The following RBMS3 variants were observed in gnomAD, a reference collection of about 807,000 sequenced individuals.
RBMS3 encodes the protein RNA-binding motif, single-stranded-interacting protein 3.
In RBMS3, 27 loss-of-function variants were observed where a neutral mutation model predicts 66.8. That is an observed-to-expected ratio of 0.40 (90% CI 0.30 to 0.56). The LOEUF is 0.56. Ranked by LOEUF, RBMS3 falls within the 20% of genes least tolerant of loss-of-function variation. The pLI is 0.40. For synonymous variants in RBMS3, 188 were observed against 183.0 expected, an observed-to-expected ratio of 1.03 and a Z score of -0.22; for missense variants, 513 against 549.5, an observed-to-expected ratio of 0.93 and a Z score of 0.66.
intron 2 of RBMS3, among the ~76,000 whole-genome samples, chr3:29,471,355 T>C (rs1042236443): frequency 1.3e-5 from 2 of 152,206 alleles, no homozygotes; most frequent in Non-Finnish European, 2.9e-5. Context: ...TTTTCATTCA[T>C]TTAATGTTAA....
intron 11 of RBMS3, among the ~76,000 whole-genome samples, chr3:29,937,582 A>C (rs757804296): frequency 1.3e-5 from 2 of 151,998 alleles, no homozygotes; most frequent in Non-Finnish European, 2.9e-5. Flanking sequence ...CAAAGTGCCT[A>C]TCACTAAGAT....
At chr3:30,003,812 GTTACT>G (rs1435331605) in intron 14 of RBMS3, 39 bp from the exon 15 acceptor site, 1 of 1,355,212 alleles carries the variant, frequency 7.4e-7, no homozygotes, top group Non-Finnish European at 9.7e-7. Context: ...TGATTTCAAA[GTTACT>G]TTAATTTAAT....
At chr3:29,806,773 G>C (rs1196704747) in intron 6 of RBMS3, among the ~76,000 whole-genome samples, 1 of 151,920 alleles carries the variant, frequency 6.6e-6, no homozygotes, top group African/African-American at 2.4e-5. Flanking sequence ...GGTATGTCAT[G>C]AATTCTATTT....
chr3:29,383,188 A>C (rs1488102438), intron 1 of RBMS3, among the ~76,000 whole-genome samples: 1 of 152,242 alleles, frequency 6.6e-6, no homozygotes, highest in Non-Finnish European at 1.5e-5. Context: ...GATCTTTTCC[A>C]AGATAGCAAT....
chr3:29,708,681 C>T (rs1045691040), intron 4 of RBMS3, among the ~76,000 whole-genome samples: 3 of 152,096 alleles, frequency 2.0e-5, no homozygotes, highest in Admixed American at 6.5e-5. Context: ...GGCTTCAATT[C>T]GGTCGTCTCT....
chr3:29,446,321 TA>T (rs140310687), intron 2 of RBMS3, among the ~76,000 whole-genome samples: 27,214 of 152,126 alleles, frequency 0.18, 2,530 homozygotes, highest in Middle Eastern at 0.23. Context: ...TTCATATTTT[TA>T]TATAGCAGGA....
At chr3:29,798,675 TAAG>T (rs556234858) in intron 6 of RBMS3, among the ~76,000 whole-genome samples, 54 of 152,320 alleles carry the variant, frequency 3.5e-4, no homozygotes, top group Non-Finnish European at 7.2e-4. Context: ...GCAAAAATTT[TAAG>T]AAGGTTAAGT....
intron 10 of RBMS3, chr3:29,927,093 G>A (rs2060958656): frequency 6.6e-6 from 1 of 152,172 alleles, no homozygotes; most frequent in Non-Finnish European, 1.5e-5. Flanking sequence ...ACTTCCTTGG[G>A]TGGGGTGTGG....
intron 4 of RBMS3, among the ~76,000 whole-genome samples, chr3:29,676,872 A>T (rs1244672791): frequency 6.6e-6 from 1 of 152,150 alleles, no homozygotes; most frequent in African/African-American, 2.4e-5. Context: ...TTGCTGTATT[A>T]GTCCATTCTT....
chr3:29,704,437 A>G (rs1332790050), intron 4 of RBMS3, among the ~76,000 whole-genome samples: 7 of 152,206 alleles, frequency 4.6e-5, no homozygotes, highest in Non-Finnish European at 1.0e-4. Context: ...TTCCATTTAA[A>G]TGTCTAGTTA....
chr3:29,764,741 A>G (rs1472772344), intron 6 of RBMS3, among the ~76,000 whole-genome samples: 1 of 152,066 alleles, frequency 6.6e-6, no homozygotes, highest in Non-Finnish European at 1.5e-5. Flanking sequence ...ATACAATTTA[A>G]TGCTGAAGAC....
intron 10 of RBMS3, chr3:29,933,760 C>T (rs549524858): frequency 1.3e-5 from 2 of 152,094 alleles, no homozygotes; most frequent in Non-Finnish European, 2.9e-5. Flanking sequence ...TTGCTATTTA[C>T]AATTCCAATT....
intron 4 of RBMS3, among the ~76,000 whole-genome samples, chr3:29,715,329 G>A (rs1241846170): frequency 6.6e-6 from 1 of 152,082 alleles, no homozygotes; most frequent in African/African-American, 2.4e-5. Flanking sequence ...ATTCATGGCT[G>A]AGAAAAGTGA....
intron 6 of RBMS3, among the ~76,000 whole-genome samples, chr3:29,800,710 T>A (rs188974837): frequency 9.2e-5 from 14 of 152,240 alleles, no homozygotes; most frequent in Non-Finnish European, 1.3e-4. Flanking sequence ...AATAGTGCAC[T>A]TTTTTTGGAA....
chr3:29,393,322 T>G (rs1450707062), intron 1 of RBMS3, among the ~76,000 whole-genome samples: 1 of 152,152 alleles, frequency 6.6e-6, no homozygotes, highest in African/African-American at 2.4e-5. Flanking sequence ...CATAATGTAT[T>G]AAAGAAAAGG....
intron 1 of RBMS3, among the ~76,000 whole-genome samples, chr3:29,379,963 T>C (rs953529724): frequency 5.9e-5 from 9 of 152,220 alleles, no homozygotes; most frequent in Non-Finnish European, 1.0e-4. Context: ...TCTTAAAAAA[T>C]GGCCTTTCAA....
chr3:29,719,139 C>T (rs1417632324), intron 4 of RBMS3, among the ~76,000 whole-genome samples: 1 of 151,682 alleles, frequency 6.6e-6, no homozygotes, highest in Non-Finnish European at 1.5e-5. Flanking sequence ...CTAAGACTCT[C>T]CATTTCTAAT....
intron 4 of RBMS3, among the ~76,000 whole-genome samples, chr3:29,717,468 G>A (rs760173200): frequency 6.6e-6 from 1 of 151,894 alleles, no homozygotes; most frequent in Non-Finnish European, 1.5e-5. Context: ...ACCCCAACTA[G>A]TGCTAAAATA....
chr3:29,901,332 A>C (rs2060247901), intron 10 of RBMS3, among the ~76,000 whole-genome samples: 1 of 151,858 alleles, frequency 6.6e-6, no homozygotes, highest in South Asian at 2.1e-4. Flanking sequence ...CCTTCTAAAA[A>C]ATGTGTTCAT....
Sources: allele counts gnomAD v4.1 joint callset (sites outside exome capture counted in the v4.1 genomes callset), GRCh38; gene constraint gnomAD v4.1.1; transcripts MANE v1.5; gene names NCBI Gene and HGNC (gene_info 2026-07-23, HGNC 2026-07-21).